SLC9C1: variants seen among roughly 807,000 people sequenced by gnomAD.
The protein encoded by SLC9C1 is sodium/hydrogen exchanger 10.
SLC9C1 carries 97 observed loss-of-function variants against 140.9 expected under a neutral mutation model. The ratio of observed to expected loss-of-function variants is 0.69; its 90% CI spans 0.58 to 0.82. The LOEUF (loss-of-function observed/expected upper bound fraction) is 0.82, where lower values mean the gene tolerates loss of function less well. Among genes scored for constraint, SLC9C1 ranks in the 40% least tolerant of loss-of-function variants. SLC9C1 has a pLI of 0.00. For synonymous variants in SLC9C1, 440 were observed against 442.6 expected, an observed-to-expected ratio of 0.99 and a Z score of 0.07; for missense variants, 1,340 against 1,389.3, an observed-to-expected ratio of 0.96 and a Z score of 0.56.
At chr3:112,264,062 G>A (rs1163109194) in intron 9 of SLC9C1, 138 bp downstream of exon 9, 6 of 389,248 alleles carry the variant, frequency 1.5e-5, no homozygotes, top group Non-Finnish European at 2.5e-5. Context: ...AAATTACAAA[G>A]CATTTATTTG....
chr3:112,180,459 G>T, intron 22 of SLC9C1, 105 bp downstream of exon 22: 1 of 782,638 alleles, frequency 1.3e-6, no homozygotes, highest in Non-Finnish European at 2.0e-6. Context: ...GGAGGTGGAG[G>T]CTACAGTGAG....
At chr3:112,240,326 T>C (rs115066378) in intron 11 of SLC9C1, among the ~76,000 whole-genome samples, 2,343 of 152,348 alleles carry the variant, frequency 0.015, 18 homozygotes, top group Middle Eastern at 0.061. Flanking sequence ...TTTCCCAGTT[T>C]GATATATGAG....
intron 11 of SLC9C1, among the ~76,000 whole-genome samples, chr3:112,240,870 C>G (rs773580026): frequency 6.6e-6 from 1 of 151,950 alleles, no homozygotes; most frequent in Non-Finnish European, 1.5e-5. Flanking sequence ...ATAAGCCACA[C>G]ACAGAAAGAC....
intron 10 of SLC9C1, among the ~76,000 whole-genome samples, chr3:112,255,941 A>G (rs1376754957): frequency 3.3e-5 from 5 of 152,186 alleles, no homozygotes; most frequent in Admixed American, 6.6e-5. Context: ...ATCAGAGACT[A>G]CTATGAACAC....
At chr3:112,227,302 G>A (rs2078707727) in intron 13 of SLC9C1, among the ~76,000 whole-genome samples, 1 of 152,018 alleles carries the variant, frequency 6.6e-6, no homozygotes, top group Non-Finnish European at 1.5e-5. Flanking sequence ...GAAAACTATA[G>A]GCTAATATCC....
intron 28 of SLC9C1, among the ~76,000 whole-genome samples, chr3:112,150,142 C>A (rs1294603896): frequency 6.6e-6 from 1 of 152,172 alleles, no homozygotes; most frequent in Non-Finnish European, 1.5e-5. Flanking sequence ...AGGCTCCTAC[C>A]CTGCTCCAGA....
At chr3:112,185,794 G>A in intron 20 of SLC9C1, 1 of 1,558,252 alleles carries the variant, frequency 6.4e-7, no homozygotes, top group Non-Finnish European at 8.6e-7. Flanking sequence ...CTGCGAGAGG[G>A]CACCAGACGC....
intron 10 of SLC9C1, among the ~76,000 whole-genome samples, chr3:112,262,295 A>G (rs2079794815): frequency 6.6e-6 from 1 of 151,972 alleles, no homozygotes; most frequent in Non-Finnish European, 1.5e-5. Flanking sequence ...AGTTTTTTAA[A>G]TATTTGGACT....
intron 13 of SLC9C1, among the ~76,000 whole-genome samples, chr3:112,226,700 C>A (rs550758368): frequency 7.0e-6 from 1 of 142,584 alleles, no homozygotes; most frequent in Non-Finnish European, 1.5e-5. Context: ...CCAGCCTGGG[C>A]GATAGAGTAA....
intron 1 of SLC9C1, among the ~76,000 whole-genome samples, chr3:112,292,602 G>C (rs2080716156): frequency 1.3e-5 from 2 of 152,128 alleles, no homozygotes; most frequent in Admixed American, 6.5e-5. Context: ...GGAGTGCAGT[G>C]GTGCGATCTC....
intron 28 of SLC9C1, among the ~76,000 whole-genome samples, chr3:112,146,396 G>A (rs1383124782): frequency 6.6e-6 from 1 of 152,104 alleles, no homozygotes; most frequent in African/African-American, 2.4e-5. Context: ...TTCCTAAGGG[G>A]TGAAATTAGA....
In SLC9C1 at chr3:112,260,606, G is replaced by A. The variant is rs1242358167; in HGVS notation, c.1197+2318C>T. Among the ~76,000 whole-genome samples the A allele has an allele frequency of 2.0e-5, 3 of 152,060 alleles. No homozygotes were observed. The East Asian group carries it at 5.8e-4, about 29-fold the overall frequency. ...TGTCAGGCAGTTAATTTGCTGGCAG[G>A]TCACATTATCCTACTAAGGCGTGAT... On this transcript the variant is annotated intron_variant, in intron 10 of 28. Transcript: ENST00000305815.
chr3:112,149,086 G>A (rs964994132), intron 28 of SLC9C1, among the ~76,000 whole-genome samples: 1 of 152,078 alleles, frequency 6.6e-6, no homozygotes, highest in African/African-American at 2.4e-5. Context: ...AAGGAAGCAG[G>A]TGCTCTGAAT....
At chr3:112,271,795 A>G (rs568019453) in intron 6 of SLC9C1, among the ~76,000 whole-genome samples, 1 of 152,280 alleles carries the variant, frequency 6.6e-6, no homozygotes, top group South Asian at 2.1e-4. Flanking sequence ...AATCTCCTGC[A>G]TTATGTTGGC....
chr3:112,226,615 A>C (rs1021253388), intron 13 of SLC9C1, among the ~76,000 whole-genome samples: 1 of 152,050 alleles, frequency 6.6e-6, no homozygotes, highest in African/African-American at 2.4e-5. Context: ...ACAGCTACTC[A>C]GGAGGCTGAT....
chr3:112,249,783 T>C (rs1235882672), intron 10 of SLC9C1, among the ~76,000 whole-genome samples: 3 of 152,170 alleles, frequency 2.0e-5, no homozygotes, highest in Admixed American at 2.0e-4. Context: ...TTGGTGGTAA[T>C]GTCCTCTAAG....
intron 13 of SLC9C1, among the ~76,000 whole-genome samples, chr3:112,229,818 T>G (rs745753962): frequency 4.6e-5 from 7 of 152,130 alleles, no homozygotes; most frequent in Non-Finnish European, 5.9e-5. Context: ...ATGAGAAGGA[T>G]CAAAATGTGC....
rs77797671 is a variant in SLC9C1, at chr3:112,271,691, G to A, written c.614-1614C>T. On this transcript the variant is annotated intron_variant, in intron 6 of 28. Coordinates refer to ENST00000305815, the MANE Select transcript of SLC9C1 (RefSeq NM_183061.3). The stretch of plus-strand genomic sequence containing the variant: ...TAGAGATATATGAAGGAACAAGTAG[G>A]AAGTCCCTAAACTCATGGAAGTGAT... Among the ~76,000 whole-genome samples, 335 of 152,120 alleles carry A rather than the reference G, an allele frequency of 2.2e-3. 10 individuals carry two copies. The East Asian group carries it at 0.056, about 26-fold the overall frequency.
chr3:112,233,285 T>G (rs2078884042), intron 12 of SLC9C1, among the ~76,000 whole-genome samples: 2 of 152,132 alleles, frequency 1.3e-5, no homozygotes, highest in South Asian at 4.1e-4. Context: ...CAGGTTCGTC[T>G]CAAACTGCTT....
Sources: allele counts gnomAD v4.1 joint callset (sites outside exome capture counted in the v4.1 genomes callset), GRCh38; gene constraint gnomAD v4.1.1; transcripts MANE v1.5; gene names NCBI Gene and HGNC (gene_info 2026-07-23, HGNC 2026-07-21).